PTPRD: variants seen among roughly 807,000 people sequenced by gnomAD.
PTPRD encodes protein tyrosine phosphatase receptor type D.
PTPRD carries 34 observed loss-of-function variants against 214.5 expected under a neutral mutation model. That is an observed-to-expected ratio of 0.16 (90% CI 0.12 to 0.21). The LOEUF (loss-of-function observed/expected upper bound fraction) is 0.21. Ranked by LOEUF, PTPRD falls within the 10% of genes least tolerant of loss-of-function variation. PTPRD has a pLI of 1.00. For synonymous variants in PTPRD, 1,128 were observed against 845.7 expected (o/e 1.33, Z -5.79); for missense variants, 2,545 against 2,398.7 (o/e 1.06, Z -1.27).
intron 3 of PTPRD, among the ~76,000 whole-genome samples, chr9:10,138,372 T>C (rs1332010837): frequency 6.6e-6 from 1 of 150,650 alleles, no homozygotes; most frequent in Non-Finnish European, 1.5e-5. Context: ...CAATAACGAG[T>C]TCCAAAATTA....
At chr9:10,194,645 T>C (rs940482106) in intron 3 of PTPRD, among the ~76,000 whole-genome samples, 2 of 144,914 alleles carry the variant, frequency 1.4e-5, no homozygotes, top group African/African-American at 5.0e-5. Flanking sequence ...ATTTCTCCTA[T>C]GTAAAACTAA....
At chr9:9,739,581 T>A (rs1377651595) in intron 6 of PTPRD, among the ~76,000 whole-genome samples, 3 of 151,902 alleles carry the variant, frequency 2.0e-5, no homozygotes, top group Admixed American at 2.0e-4. Context: ...AATCCTCTAT[T>A]TTTTTTACTT....
At chr9:9,793,590 T>C (rs2098981980) in intron 5 of PTPRD, among the ~76,000 whole-genome samples, 1 of 152,140 alleles carries the variant, frequency 6.6e-6, no homozygotes, top group Non-Finnish European at 1.5e-5. Flanking sequence ...AAAGCATAAA[T>C]TATTTATTCA....
At chr9:9,645,332 A>G in intron 7 of PTPRD, among the ~76,000 whole-genome samples, 1 of 152,112 alleles carries the variant, frequency 6.6e-6, no homozygotes, top group African/African-American at 2.4e-5. Context: ...ACAAAATGAT[A>G]CAGTATTTTG....
chr9:10,561,868 G>A (rs535837279), intron 2 of PTPRD, among the ~76,000 whole-genome samples: 1 of 152,088 alleles, frequency 6.6e-6, no homozygotes, highest in Non-Finnish European at 1.5e-5. Flanking sequence ...ATATCCCACA[G>A]GATATAGGAT....
chr9:10,452,063 C>T (rs939068524), intron 2 of PTPRD, among the ~76,000 whole-genome samples: 8 of 151,930 alleles, frequency 5.3e-5, no homozygotes, highest in East Asian at 1.9e-4. Context: ...ACAGTTTCAT[C>T]AGTGAGACTA....
At chr9:10,288,495 C>T (rs1265313589) in intron 3 of PTPRD, among the ~76,000 whole-genome samples, 1 of 152,098 alleles carries the variant, frequency 6.6e-6, no homozygotes, top group South Asian at 2.1e-4. Context: ...GTAGAACTCA[C>T]TTATAGGTCA....
chr9:8,448,602 C>T (rs1367847530), intron 34 of PTPRD, among the ~76,000 whole-genome samples: 1 of 152,028 alleles, frequency 6.6e-6, no homozygotes, highest in Non-Finnish European at 1.5e-5. Context: ...TAAAGTCTAA[C>T]CTCATATGAG....
intron 21 of PTPRD, among the ~76,000 whole-genome samples, chr9:8,514,384 G>T (rs974399160): frequency 1.3e-5 from 2 of 152,054 alleles, no homozygotes; most frequent in African/African-American, 4.8e-5. Flanking sequence ...AAACACTATA[G>T]ATTTCTATGT....
At chr9:8,352,242 A>T (rs1004527688) in intron 39 of PTPRD, among the ~76,000 whole-genome samples, 1 of 152,168 alleles carries the variant, frequency 6.6e-6, no homozygotes, top group African/African-American at 2.4e-5. Flanking sequence ...CGCGTAAAGA[A>T]CACCTGAATA....
chr9:9,877,166 C>T (rs2067129943), intron 5 of PTPRD, among the ~76,000 whole-genome samples: 1 of 152,162 alleles, frequency 6.6e-6, no homozygotes, highest in South Asian at 2.1e-4. Context: ...AGTGGTAGCA[C>T]TTCAGTATGG....
intron 12 of PTPRD, among the ~76,000 whole-genome samples, chr9:8,729,532 T>G (rs1034574066): frequency 1.3e-4 from 20 of 152,324 alleles, no homozygotes; most frequent in Admixed American, 9.1e-4. Context: ...TAATAACAGC[T>G]AACATTCACG....
intron 14 of PTPRD, among the ~76,000 whole-genome samples, chr9:8,601,241 GT>G (rs535934545): frequency 6.4e-4 from 98 of 152,296 alleles, no homozygotes; most frequent in African/African-American, 2.2e-3. Flanking sequence ...AGAACACCAA[GT>G]AGACTTCTAA....
intron 4 of PTPRD, among the ~76,000 whole-genome samples, chr9:10,019,738 G>A (rs558174883): frequency 4.9e-4 from 74 of 149,702 alleles, no homozygotes; most frequent in African/African-American, 1.7e-3. Context: ...GAGAACACAC[G>A]GACACAGGAA....
chr9:9,962,949 C>T (rs1327596606), intron 4 of PTPRD, among the ~76,000 whole-genome samples: 5 of 151,864 alleles, frequency 3.3e-5, no homozygotes, highest in Non-Finnish European at 4.4e-5. Flanking sequence ...TGGGAGTCTG[C>T]TGTGGCCATA....
intron 3 of PTPRD, among the ~76,000 whole-genome samples, chr9:10,162,071 G>A (rs906364794): frequency 1.3e-5 from 2 of 151,546 alleles, no homozygotes; most frequent in Non-Finnish European, 3.0e-5. Flanking sequence ...GGAGAAAGGG[G>A]AACCCTTGCA....
At chr9:9,740,109 T>C (rs1375383514) in intron 6 of PTPRD, among the ~76,000 whole-genome samples, 1 of 152,174 alleles carries the variant, frequency 6.6e-6, no homozygotes, top group African/African-American at 2.4e-5. Flanking sequence ...CTATATGTAC[T>C]TAAAATTATA....
intron 9 of PTPRD, among the ~76,000 whole-genome samples, chr9:9,186,941 C>T (rs2099932004): frequency 6.6e-6 from 1 of 151,450 alleles, no homozygotes; most frequent in East Asian, 1.9e-4. Context: ...ATATGGTATC[C>T]CTTCTGTTAT....
At chr9:9,252,146 A>G (rs1453165628) in intron 9 of PTPRD, among the ~76,000 whole-genome samples, 3 of 152,026 alleles carry the variant, frequency 2.0e-5, no homozygotes, top group Non-Finnish European at 1.5e-5. Context: ...CCACCCCAAA[A>G]TATGCCTCTT....
Sources: gnomAD v4.1 joint callset for allele counts (sites outside exome capture counted in the v4.1 genomes callset) on GRCh38, gnomAD v4.1.1 for gene constraint, MANE v1.5 for transcripts, NCBI Gene and HGNC (gene_info 2026-07-23, HGNC 2026-07-21) for gene names.